NAA16: variants seen among roughly 807,000 people sequenced by gnomAD.
The protein encoded by NAA16 is N-alpha-acetyltransferase 16, NatA auxiliary subunit, also known as NARG1-like protein.
NAA16 carries 97 observed loss-of-function variants against 110.3 expected under a neutral mutation model. The observed-to-expected ratio is 0.88, with a 90% CI of 0.75 to 1.04. The LOEUF is 1.04. Among genes scored for constraint, NAA16 ranks in the 50% least tolerant of loss-of-function variants. The probability of loss-of-function intolerance (pLI) is 0.00; values close to 1 mark genes in which losing one functional copy is unlikely to be tolerated. For synonymous variants in NAA16, 372 were observed against 330.6 expected (o/e 1.13, Z -1.36); for missense variants, 1,017 against 1,005.1 (o/e 1.01, Z -0.16).
chr13:41,338,284 C>T lies in NAA16; in HGVS notation c.1014+1528C>T, dbSNP rs576257766. Among the ~76,000 whole-genome samples, 12 of 152,288 alleles carry T rather than the reference C, an allele frequency of 7.9e-5. No individual in the cohort carries two copies. The South Asian group carries it at 2.1e-3, about 26-fold the overall frequency. ...AGTGGACATTAAAGGATTTGTTTCT[C>T]TTAAGCTATCACGGGGCTTTCACAG... On this transcript the variant is annotated intron_variant, in intron 9 of 19. Transcript: ENST00000379406.
intron 9 of NAA16, among the ~76,000 whole-genome samples, chr13:41,337,228 G>T (rs1019174485): frequency 5.9e-5 from 9 of 152,206 alleles, no homozygotes; most frequent in East Asian, 3.9e-4. Flanking sequence ...CTTGAATAAA[G>T]AATTGTCTTT....
In NAA16 at chr13:41,354,996, A is replaced by G. The variant is rs1199318267; in HGVS notation, c.1015-148A>G. On this transcript the variant is annotated intron_variant, in intron 9 of 19. Coordinates refer to ENST00000379406, the MANE Select transcript of NAA16 (RefSeq NM_024561.5). ...AAAGCGGGGAAATACTCATGTTAGG[A>G]ATGGGGACAAAGCAGATACCCTAGT... 8.5e-6 allele frequency: 4 copies of G among 468,990 alleles called. No homozygotes were observed. The Admixed American group carries it at 1.7e-4, about 20-fold the overall frequency. The allele number at this position is 468,990 out of a possible 1,614,324, so 29.1% of individuals were successfully genotyped here.
chr13:41,365,089 G>A (rs1445919889), intron 13 of NAA16, among the ~76,000 whole-genome samples: 1 of 152,154 alleles, frequency 6.6e-6, no homozygotes, highest in Non-Finnish European at 1.5e-5. Context: ...GTACTTTTCT[G>A]CAGTGAGCTA....
intron 18 of NAA16, 90 bp downstream of exon 18, chr13:41,373,870 C>T: frequency 6.7e-7 from 1 of 1,495,310 alleles, no homozygotes; most frequent in Non-Finnish European, 8.9e-7. Flanking sequence ...AGCAAATGAA[C>T]AGTACTGTGT....
chr13:41,321,363 G>A (rs2041942433), intron 4 of NAA16, among the ~76,000 whole-genome samples: 1 of 152,158 alleles, frequency 6.6e-6, no homozygotes, highest in Admixed American at 6.5e-5. Flanking sequence ...AAAAATTAGA[G>A]ACAAGGTCTT....
At chr13:41,374,271 G>GC (rs144124566) in intron 18 of NAA16, among the ~76,000 whole-genome samples, 8,324 of 151,044 alleles carry the variant, frequency 0.055, 768 homozygotes, top group African/African-American at 0.19. Flanking sequence ...TTTTGAATAT[G>GC]CAAACATTTT....
intron 1 of NAA16, among the ~76,000 whole-genome samples, 158 bp downstream of exon 1, chr13:41,311,740 C>T (rs1202548820): frequency 1.3e-5 from 2 of 152,358 alleles, no homozygotes; most frequent in Middle Eastern, 3.4e-3. Context: ...TTTCCCGCTC[C>T]GGCCGGCCCA....
In NAA16 at chr13:41,355,130, T is replaced by C. The variant is rs1204297152; in HGVS notation, c.1015-14T>C. 9.4e-6 allele frequency: 14 copies of C among 1,486,362 alleles called. No homozygotes were observed. Among genetic ancestry groups the C allele is most frequent in the Admixed American group, 6.3e-5 (3 of 47,704 alleles). 92.1% of individuals were successfully genotyped at this position (1,486,362 alleles called of 1,614,324 possible). On this transcript the variant is annotated splice_polypyrimidine_tract_variant and intron_variant, in intron 9 of 19. Transcript: ENST00000379406. Reference sequence around the variant, plus strand: ...AAGATATTTTTAAATTTTAAAAATATGTTTCTTTAACAGGTTTCTATAATC... The same window carrying C: ...AAGATATTTTTAAATTTTAAAAATACGTTTCTTTAACAGGTTTCTATAATC...
At chr13:41,331,571 A>C (rs80215364) in intron 8 of NAA16, among the ~76,000 whole-genome samples, 1 of 152,126 alleles carries the variant, frequency 6.6e-6, no homozygotes, top group Non-Finnish European at 1.5e-5. Context: ...GAAGTTATCT[A>C]TATAAATATA....
chr13:41,346,495 G>A (rs1469146965), intron 9 of NAA16, among the ~76,000 whole-genome samples: 1 of 152,198 alleles, frequency 6.6e-6, no homozygotes, highest in Admixed American at 6.5e-5. Context: ...GGCCACTTGG[G>A]GAAGACGCTA....
chr13:41,326,771 A>G (rs1474930124), intron 6 of NAA16, among the ~76,000 whole-genome samples: 1 of 152,164 alleles, frequency 6.6e-6, no homozygotes, highest in African/African-American at 2.4e-5. Flanking sequence ...ATCTAGAAAA[A>G]GGTGCAGAGA....
At position 41,316,949 on chromosome 13, in the gene NAA16, G is replaced by C; in HGVS notation, c.139+19G>C. Reference sequence around the variant, plus strand: ...CATGGAGGTATTGTCTCATGTGAGAGATTGCTTTAGGGAAATCAAATTCTA... The same window carrying C: ...CATGGAGGTATTGTCTCATGTGAGACATTGCTTTAGGGAAATCAAATTCTA... On this transcript the variant is annotated intron_variant, in intron 2 of 19. Coordinates refer to ENST00000379406, the MANE Select transcript of NAA16 (RefSeq NM_024561.5). 6.5e-7 allele frequency: 1 copy of C among 1,535,934 alleles called. No individual in the cohort carries two copies. The highest frequency in any genetic ancestry group is 9.0e-7 in the Non-Finnish European group (1 of 1,108,982).
intron 8 of NAA16, among the ~76,000 whole-genome samples, chr13:41,336,433 G>T (rs914836409): frequency 1.3e-5 from 2 of 152,202 alleles, no homozygotes; most frequent in African/African-American, 4.8e-5. Flanking sequence ...GCTGTAGACT[G>T]AGTGTGCTAG....
intron 10 of NAA16, 89 bp from the exon 11 acceptor site, chr13:41,358,215 A>G (rs910767966): frequency 4.6e-6 from 5 of 1,097,014 alleles, no homozygotes; most frequent in East Asian, 2.6e-5. Flanking sequence ...TATTATTGCA[A>G]TAGTCATTTC....
intron 9 of NAA16, among the ~76,000 whole-genome samples, chr13:41,348,460 G>T (rs866548232): frequency 2.6e-5 from 4 of 152,146 alleles, no homozygotes; most frequent in Admixed American, 6.5e-5. Flanking sequence ...ACCACTCCTG[G>T]CTGATGTTAA....
chr13:41,342,473 G>A (rs2042578556), intron 9 of NAA16, among the ~76,000 whole-genome samples: 1 of 152,144 alleles, frequency 6.6e-6, no homozygotes, highest in Admixed American at 6.5e-5. Context: ...TTGCTTACTG[G>A]CTCTATAAAA....
intron 18 of NAA16, 27 bp from the exon 19 acceptor site, chr13:41,374,715 T>A: frequency 7.0e-7 from 1 of 1,436,618 alleles, no homozygotes; most frequent in Non-Finnish European, 9.7e-7. Flanking sequence ...AGGTGTTTAT[T>A]CATTTTGAAA....
intron 10 of NAA16, among the ~76,000 whole-genome samples, chr13:41,356,921 T>G (rs1258100921): frequency 6.6e-6 from 1 of 152,232 alleles, no homozygotes; most frequent in Non-Finnish European, 1.5e-5. Context: ...TGCTTCCTGT[T>G]GTGTCATGTC....
chr13:41,332,302 C>A (rs1345777575), intron 8 of NAA16, among the ~76,000 whole-genome samples: 1 of 152,120 alleles, frequency 6.6e-6, no homozygotes, highest in Non-Finnish European at 1.5e-5. Flanking sequence ...TTTGCTTTTT[C>A]TTTTGCCATT....
Sources: gnomAD v4.1 joint callset for allele counts (sites outside exome capture counted in the v4.1 genomes callset) on GRCh38, gnomAD v4.1.1 for gene constraint, MANE v1.5 for transcripts, NCBI Gene and HGNC (gene_info 2026-07-23, HGNC 2026-07-21) for gene names.